The following SH3BGRL2 variants were observed in gnomAD, a reference collection of about 807,000 sequenced individuals.
SH3BGRL2 encodes SH3 domain binding glutamate rich protein like 2, also known as SH3 domain-binding glutamic acid-rich-like protein 2.
In SH3BGRL2, 21 loss-of-function variants were observed where a neutral mutation model predicts 14.8. The observed-to-expected ratio is 1.42, with a 90% CI of 1.01 to 2.05. The LOEUF is 2.05. Ranked by LOEUF, SH3BGRL2 falls within the 30% of genes most tolerant of loss-of-function variation. The pLI is 0.00. For missense variants in SH3BGRL2, 147 were observed against 130.8 expected (o/e 1.12, Z -0.61); for synonymous variants, 50 against 47.8 (o/e 1.05, Z -0.19).
chr6:79,538,027 T>TTG, the SH3BGRL2 span, among the ~76,000 whole-genome samples: 28 of 87,006 alleles, frequency 3.2e-4, no homozygotes, highest in African/African-American at 1.5e-3. Context: ...AGTTTTTTTT[T>TTG]TTTTTTTTTT....
the SH3BGRL2 span, among the ~76,000 whole-genome samples, chr6:79,588,186 G>A: frequency 3.3e-5 from 5 of 151,716 alleles, no homozygotes; most frequent in East Asian, 9.7e-4. Context: ...CCAGCTACTC[G>A]GGAGGCTGAG....
chr6:79,627,839 G>T (rs6934885), upstream of SH3BGRL2, among the ~76,000 whole-genome samples: 33,148 of 151,972 alleles, frequency 0.22, 3,898 homozygotes, highest in East Asian at 0.31. Context: ...CAGACATCAT[G>T]ATTTCTTAAC....
rs769925421 is a variant in SH3BGRL2, at chr6:79,673,798, G to C, written c.230G>C (p.Gly77Ala). 3.1e-6 allele frequency: 5 copies of C among 1,613,074 alleles called. No homozygotes were observed. The highest frequency in any genetic ancestry group is 4.2e-6 in the Non-Finnish European group (5 of 1,179,618). ...PQIFNGDRYC[G>A]DYDSFFESKE... is the part of the protein sequence containing the mutation. ...ATATTTAATGGCGACCGATACTGTG[G>C]AGTAAGTGGCTAGACTGTTATCATG... Residue 77 changes from glycine (G) to alanine (A), a missense_variant and splice_region_variant, in exon 2 of 4, where the codon GGA becomes GCA. Transcript: ENST00000369838.
At chr6:79,693,118 A>G (rs1289493478) in intron 2 of SH3BGRL2, among the ~76,000 whole-genome samples, 1 of 152,084 alleles carries the variant, frequency 6.6e-6, no homozygotes, top group African/African-American at 2.4e-5. Flanking sequence ...TCTTTGAAGC[A>G]ATTGTGAATG....
chr6:79,680,797 TA>T (rs1349323766), intron 2 of SH3BGRL2, among the ~76,000 whole-genome samples: 2 of 152,196 alleles, frequency 1.3e-5, no homozygotes, highest in African/African-American at 4.8e-5. Flanking sequence ...TGGTTAGGTT[TA>T]TTCCTACTTT....
the SH3BGRL2 span, among the ~76,000 whole-genome samples, chr6:79,569,107 T>C: frequency 5.5e-4 from 83 of 152,290 alleles, no homozygotes; most frequent in South Asian, 4.1e-4. Context: ...CGATGTACAT[T>C]GTAAGATGTA....
At chr6:79,588,075 C>G in the SH3BGRL2 span, among the ~76,000 whole-genome samples, 1 of 152,122 alleles carries the variant, frequency 6.6e-6, no homozygotes, top group Non-Finnish European at 1.5e-5. Context: ...AGGTGGATCA[C>G]GAGGTCAGGA....
the SH3BGRL2 span, among the ~76,000 whole-genome samples, chr6:79,540,347 A>G: frequency 4.6e-5 from 7 of 152,168 alleles, no homozygotes; most frequent in Admixed American, 3.3e-4. Context: ...AGGCAGGAGA[A>G]TGGCATGAAC....
At chr6:79,659,314 A>G (rs1322669561) in intron 1 of SH3BGRL2, among the ~76,000 whole-genome samples, 3 of 152,200 alleles carry the variant, frequency 2.0e-5, no homozygotes, top group African/African-American at 7.2e-5. Context: ...TAATTTTTGT[A>G]TAAGGTGTAA....
chr6:79,561,177 G>T, the SH3BGRL2 span: 1 of 151,308 alleles, frequency 6.6e-6, no homozygotes, highest in Admixed American at 6.6e-5. Context: ...ACCACTCCCG[G>T]CCAACAATAC....
At chr6:79,590,587 T>C in the SH3BGRL2 span, among the ~76,000 whole-genome samples, 1 of 151,624 alleles carries the variant, frequency 6.6e-6, no homozygotes, top group African/African-American at 2.4e-5. Context: ...AAATACTGCA[T>C]GTTCTCATTT....
At chr6:79,589,809 C>G in the SH3BGRL2 span, among the ~76,000 whole-genome samples, 35 of 152,290 alleles carry the variant, frequency 2.3e-4, no homozygotes, top group African/African-American at 8.2e-4. Context: ...GGGTCTTGCT[C>G]TGTTGCCAGG....
At chr6:79,597,317 G>GAGAAAAGAAA in the SH3BGRL2 span, among the ~76,000 whole-genome samples, 65 of 144,716 alleles carry the variant, frequency 4.5e-4, no homozygotes, top group African/African-American at 1.3e-3. Context: ...AAGAAAGAAA[G>GAGAAAAGAAA]AGAAAAGAAA....
At chr6:79,619,035 T>A in the SH3BGRL2 span, among the ~76,000 whole-genome samples, 3 of 152,214 alleles carry the variant, frequency 2.0e-5, no homozygotes, top group Admixed American at 1.3e-4. Context: ...TGCTTTAATT[T>A]TTCCCTGTAA....
chr6:79,576,064 C>T, the SH3BGRL2 span, among the ~76,000 whole-genome samples: 1 of 152,084 alleles, frequency 6.6e-6, no homozygotes, highest in African/African-American at 2.4e-5. Context: ...AAGTTAATCA[C>T]TATGATAGCC....
intron 1 of SH3BGRL2, among the ~76,000 whole-genome samples, chr6:79,659,570 G>A (rs553738140): frequency 2.6e-5 from 4 of 152,264 alleles, no homozygotes; most frequent in Admixed American, 6.5e-5. Flanking sequence ...GTCAGGTAGC[G>A]TGATGCCTCC....
chr6:79,698,407 T>G (rs1217201536), intron 3 of SH3BGRL2, among the ~76,000 whole-genome samples: 1 of 152,224 alleles, frequency 6.6e-6, no homozygotes, highest in Non-Finnish European at 1.5e-5. Flanking sequence ...ACAGGTTTAA[T>G]GTACTAAAAG....
chr6:79,631,358 G>C lies in SH3BGRL2; in HGVS notation c.-104G>C, dbSNP rs1582709421. The C allele has an allele frequency of 4.6e-6, 5 of 1,083,410 alleles. No individual in the cohort carries two copies. The East Asian group carries it at 1.6e-4, about 35-fold the overall frequency. The allele number at this position is 1,083,410 out of a possible 1,614,324, so 67.1% of individuals were successfully genotyped here. A position where few individuals can be genotyped will look rare whatever the true frequency, so the allele number is the denominator to read the frequency against. ...CCCAGCGATCTTCCCCGACGGCAGC[G>C]CTTTACCCAGAGGCTGCCGGCGGCT... On this transcript the variant is annotated 5_prime_UTR_variant, in exon 1 of 4. Coordinates refer to ENST00000369838, the MANE Select transcript of SH3BGRL2 (RefSeq NM_031469.4).
intron 1 of SH3BGRL2, among the ~76,000 whole-genome samples, chr6:79,659,540 G>A (rs1480586209): frequency 6.6e-6 from 1 of 152,168 alleles, no homozygotes; most frequent in East Asian, 1.9e-4. Flanking sequence ...GGTTACTGTA[G>A]CCTTGTAGTA....
Sources: gnomAD v4.1 joint callset for allele counts (sites outside exome capture counted in the v4.1 genomes callset) on GRCh38, gnomAD v4.1.1 for gene constraint, MANE v1.5 for transcripts, NCBI Gene and HGNC (gene_info 2026-07-23, HGNC 2026-07-21) for gene names.